FBXO11: variants seen among roughly 807,000 people sequenced by gnomAD.
FBXO11 encodes F-box only protein 11.
In FBXO11, 13 loss-of-function variants were observed where a neutral mutation model predicts 117.0. That is an observed-to-expected ratio of 0.11 (90% CI 0.07 to 0.18). The LOEUF (loss-of-function observed/expected upper bound fraction) is 0.18. Ranked by LOEUF, FBXO11 falls within the 10% of genes least tolerant of loss-of-function variation. FBXO11 has a pLI of 1.00. For missense variants in FBXO11, 767 were observed against 1,164.4 expected (o/e 0.66, Z 4.97); for synonymous variants, 490 against 380.5 (o/e 1.29, Z -3.35).
chr2:47,900,627 TACACACACGTACGTATATACACAC>T (rs1678075070), intron 1 of FBXO11, among the ~76,000 whole-genome samples: 1 of 40,930 alleles, frequency 2.4e-5, no homozygotes, highest in South Asian at 1.3e-3. Context: ...TACACACGTA[TACACACACGTACGTATATACACAC>T]GTATACACAC....
At chr2:47,812,312 G>A (rs1670675061) in intron 18 of FBXO11, among the ~76,000 whole-genome samples, 1 of 152,276 alleles carries the variant, frequency 6.6e-6, no homozygotes, top group African/African-American at 2.4e-5. Flanking sequence ...AGTATCTAAA[G>A]AATAAAAGTG....
chr2:47,888,465 T>C (rs1376522895), intron 1 of FBXO11, among the ~76,000 whole-genome samples: 1 of 152,220 alleles, frequency 6.6e-6, no homozygotes, highest in Non-Finnish European at 1.5e-5. Context: ...GTAATCTTCT[T>C]TAGTGGACCA....
chr2:47,815,213 C>T (rs1433065809), intron 16 of FBXO11, among the ~76,000 whole-genome samples: 1 of 152,102 alleles, frequency 6.6e-6, no homozygotes, highest in East Asian at 1.9e-4. Context: ...AACATCCACG[C>T]AGAAATGTGA....
chr2:47,809,221 C>G lies in FBXO11; in HGVS notation c.2492G>C (p.Ser831Thr). The change falls in exon 21 of 23, where the codon AGT (serine) becomes ACT (threonine). Residue 831 changes from serine to threonine, a missense_variant. By Grantham distance (58) the Ser-to-Thr change is moderately conservative. Transcript: ENST00000403359. ...TATTTTATATAAACATTGGCCTCTA[C>G]TAACAGCCTTTTCTATGGCATCTTG... is the stretch of plus-strand genomic sequence containing the variant. Reference protein sequence around the residue: ...NNQDAIEKAVSRGQCLYKISS... With the variant: ...NNQDAIEKAVTRGQCLYKISS... 6.2e-7 allele frequency: 1 copy of G among 1,607,004 alleles called. No homozygotes were observed. The highest frequency in any genetic ancestry group is 8.5e-7 in the Non-Finnish European group (1 of 1,175,236).
rs1424688819 is a variant in FBXO11 at position 47,809,248 on chromosome 2, T to C, written c.2465A>G (p.Asn822Ser). ...VTMKDNKIMNNQDAIEKAVSR... is the reference protein window; with the variant it reads ...VTMKDNKIMNSQDAIEKAVSR... ...AACAGCCTTTTCTATGGCATCTTGA[T>C]TGTTCATTATTTTGTTATCTGTAAT... Residue 822 changes from asparagine (N) to serine (S), a missense_variant, in exon 21 of 23, where the codon AAT becomes AGT. Coordinates refer to ENST00000403359, the MANE Select transcript of FBXO11 (RefSeq NM_001190274.2). 2 of 1,587,646 alleles carry C rather than the reference T, an allele frequency of 1.3e-6. No homozygotes were observed. The highest frequency in any genetic ancestry group is 2.3e-5 in the South Asian group (2 of 87,826).
chr2:47,886,383 G>T (rs909327257), intron 1 of FBXO11, among the ~76,000 whole-genome samples: 2 of 151,820 alleles, frequency 1.3e-5, no homozygotes, highest in Admixed American at 1.3e-4. Flanking sequence ...GCGTGTGCCT[G>T]TAATCCCAGC....
At chr2:47,858,407 C>G (rs1038915276) in intron 1 of FBXO11, among the ~76,000 whole-genome samples, 1 of 151,238 alleles carries the variant, frequency 6.6e-6, no homozygotes, top group Non-Finnish European at 1.5e-5. Flanking sequence ...ACAGGCCAGG[C>G]GTGGTGACTC....
chr2:47,906,146 G>T lies in FBXO11; in HGVS notation c.-426C>A, dbSNP rs1036098184. 2 of 203,662 alleles carry T rather than the reference G, an allele frequency of 9.8e-6. No individual in the cohort carries two copies. Among genetic ancestry groups the T allele is most frequent in the South Asian group, 7.1e-5 (1 of 14,072 alleles). 12.6% of individuals were successfully genotyped at this position (203,662 alleles called of 1,614,324 possible). ...CGAGCGGCGTCTCCGGCAGCGGGGG[G>T]AGTGGGCGGGCGGGTGAGGAAGGGA... On this transcript the variant is annotated 5_prime_UTR_variant, in exon 1 of 23. Coordinates refer to ENST00000403359, the MANE Select transcript of FBXO11 (RefSeq NM_001190274.2).
intron 1 of FBXO11, among the ~76,000 whole-genome samples, chr2:47,897,718 A>AG (rs1677785357): frequency 1.3e-5 from 2 of 151,548 alleles, no homozygotes; most frequent in South Asian, 4.1e-4. Context: ...AAAAAAAAAA[A>AG]AAAGGAAAAG....
intron 1 of FBXO11, among the ~76,000 whole-genome samples, chr2:47,900,604 A>G (rs1262062185): frequency 7.4e-6 from 1 of 134,414 alleles, no homozygotes; most frequent in Non-Finnish European, 1.6e-5. Flanking sequence ...ATACACACGT[A>G]TACACACGTA....
Position 47,905,493 on chromosome 2 carries a change from C to G in FBXO11, c.228G>C (p.Glu76Asp). 15 of 1,230,396 alleles carry G rather than the reference C, an allele frequency of 1.2e-5. No individual in the cohort carries two copies. Among genetic ancestry groups the G allele is most frequent in the Non-Finnish European group, 1.5e-5 (15 of 987,368 alleles). The allele number at this position is 1,230,396 out of a possible 1,614,324, so 76.2% of individuals were successfully genotyped here. ...PLPQERNNVG[E>D]RDDDVPADMV... ...TGGGAGGTAGCGCGGCCTTACCCCG[C>G]TCGCCGACGTTGTTCCGCTCCTGAG... Residue 76 changes from glutamate (E) to aspartate (D), a missense_variant, in exon 1 of 23, where the codon GAG (glutamate) becomes GAC (aspartate). Around this residue, in one of 10 missense-constraint regions of FBXO11, gnomAD observed 355 missense variants for 299.8 expected, o/e 1.18. Coordinates refer to ENST00000403359, the MANE Select transcript of FBXO11 (RefSeq NM_001190274.2).
chr2:47,826,857 C>T (rs1299892642), intron 11 of FBXO11, among the ~76,000 whole-genome samples: 1 of 152,082 alleles, frequency 6.6e-6, no homozygotes, highest in Non-Finnish European at 1.5e-5. Context: ...CCTCTGCCTC[C>T]CAAGTTCAAG....
chr2:47,900,903 CATATATAT>C (rs1678191810), intron 1 of FBXO11, among the ~76,000 whole-genome samples: 2 of 129,142 alleles, frequency 1.5e-5, no homozygotes, highest in East Asian at 2.1e-4. Flanking sequence ...TATATACACA[CATATATAT>C]GTATATATAT....
chr2:47,854,622 G>T (rs763177236), intron 1 of FBXO11, among the ~76,000 whole-genome samples: 1 of 152,070 alleles, frequency 6.6e-6, no homozygotes, highest in Non-Finnish European at 1.5e-5. Flanking sequence ...TAGATCAGCG[G>T]TTCTCAAAGC....
At chr2:47,856,617 A>G (rs906083818) in intron 1 of FBXO11, among the ~76,000 whole-genome samples, 1 of 152,244 alleles carries the variant, frequency 6.6e-6, no homozygotes. Context: ...TGAGTGGCCT[A>G]CGGACAGTTG....
chr2:47,904,939 G>T (rs1273042070), intron 1 of FBXO11, among the ~76,000 whole-genome samples: 1 of 151,874 alleles, frequency 6.6e-6, no homozygotes, highest in Admixed American at 6.6e-5. Context: ...GGGGGGCGGG[G>T]GAAACAAGTT....
chr2:47,861,422 G>A (rs1674766319), intron 1 of FBXO11, among the ~76,000 whole-genome samples: 1 of 150,616 alleles, frequency 6.6e-6, no homozygotes, highest in Non-Finnish European at 1.5e-5. Flanking sequence ...GGGCTCAAGT[G>A]ATCCTTCCAC....
At chr2:47,815,811 G>C (rs1670966777) in intron 16 of FBXO11, among the ~76,000 whole-genome samples, 1 of 152,184 alleles carries the variant, frequency 6.6e-6, no homozygotes. Context: ...CAGCTCTTGA[G>C]CATCAACGGG....
In FBXO11 at chr2:47,832,358, A is replaced by G. The variant is rs199728471; in HGVS notation, c.1389T>C (p.Asp463=). Residue 463 remains aspartate (D), a synonymous_variant, in exon 11 of 23, where the codon GAT becomes GAC. Transcript: ENST00000403359. ...HGRDVGVFTF[D]HGMGYFESCN... ...AAATAAGTGTTCTTACCATGCCATGATCAAATGTGAACACACCAACATCAC... is the reference window on the plus strand; with the variant it reads ...AAATAAGTGTTCTTACCATGCCATGGTCAAATGTGAACACACCAACATCAC... 2.9e-4 allele frequency: 461 copies of G among 1,604,208 alleles called. No homozygotes were observed. Among genetic ancestry groups the G allele is most frequent in the Non-Finnish European group, 2.7e-4 (313 of 1,176,344 alleles).
Sources: gnomAD v4.1 joint callset for allele counts (sites outside exome capture counted in the v4.1 genomes callset) on GRCh38, gnomAD v4.1.1 for gene constraint, gnomAD v4.1.1 regional missense constraint, MANE v1.5 for transcripts, NCBI Gene and HGNC (gene_info 2026-07-23, HGNC 2026-07-21) for gene names.